The following DLG1 variants were observed in gnomAD, a reference collection of about 807,000 sequenced individuals.
DLG1 encodes the protein discs large MAGUK scaffold protein 1.
DLG1 carries 42 observed loss-of-function variants against 123.4 expected under a neutral mutation model. The observed-to-expected ratio is 0.34, with a 90% CI of 0.27 to 0.44. DLG1 has a LOEUF of 0.44. Ranked by LOEUF, DLG1 falls within the 20% of genes least tolerant of loss-of-function variation. The pLI, the probability that DLG1 is intolerant of heterozygous loss-of-function variation, is 1.00. For missense variants in DLG1, 942 were observed against 1,082.6 expected (o/e 0.87, Z 1.82); for synonymous variants, 317 against 356.2 (o/e 0.89, Z 1.24).
chr3:197,211,180 G>A lies in DLG1; in HGVS notation c.319-16591C>T, dbSNP rs749739036. On this transcript the variant is annotated intron_variant, in intron 4 of 24. Transcript: ENST00000667157. ...AGGAACGATCTAAATCTGATAAAGG[G>A]CATTTATGAAAACCCTACAGCTAAC... 2.1e-5 allele frequency among the ~76,000 whole-genome samples: 3 copies of A among 145,714 alleles called. 1 individual carries two copies. Among genetic ancestry groups the A allele is most frequent in the Non-Finnish European group, 4.6e-5 (3 of 65,010 alleles).
chr3:197,082,142 C>T (rs1384226647), intron 16 of DLG1, among the ~76,000 whole-genome samples: 1 of 152,046 alleles, frequency 6.6e-6, no homozygotes, highest in South Asian at 2.1e-4. Flanking sequence ...GAGGCCGAGG[C>T]GGGTGGATCA....
intron 4 of DLG1, among the ~76,000 whole-genome samples, chr3:197,259,029 A>G (rs1758154715): frequency 6.6e-6 from 1 of 152,176 alleles, no homozygotes. Flanking sequence ...AAAGTCTATC[A>G]AGGAAGATGG....
At chr3:197,296,644 A>C (rs560796661) in intron 2 of DLG1, 167 bp from the exon 3 acceptor site, 1 of 504,812 alleles carries the variant, frequency 2.0e-6, no homozygotes, top group East Asian at 3.1e-5. Context: ...CCAAAAAATA[A>C]AAAAAAAAAT....
chr3:197,234,196 T>G (rs1744753684), intron 4 of DLG1, among the ~76,000 whole-genome samples: 2 of 152,168 alleles, frequency 1.3e-5, no homozygotes, highest in Admixed American at 6.5e-5. Context: ...AGGTATTTAG[T>G]CTAATTTAAG....
intron 18 of DLG1, among the ~76,000 whole-genome samples, chr3:197,072,825 T>C (rs1744897461): frequency 6.6e-6 from 1 of 152,012 alleles, no homozygotes; most frequent in African/African-American, 2.4e-5. Flanking sequence ...CCCTCCCGAG[T>C]AGCTTGGATT....
chr3:197,064,678 T>C (rs1738327340), intron 22 of DLG1, among the ~76,000 whole-genome samples: 1 of 152,344 alleles, frequency 6.6e-6, no homozygotes, highest in South Asian at 2.1e-4. Context: ...AGCCCTTTTC[T>C]TGCAAATTTT....
At chr3:197,119,811 T>A (rs111696824) in intron 11 of DLG1, among the ~76,000 whole-genome samples, 1 of 152,138 alleles carries the variant, frequency 6.6e-6, no homozygotes, top group Non-Finnish European at 1.5e-5. Flanking sequence ...CAGTCCAAAT[T>A]TGATTGTGAA....
At chr3:197,232,635 A>G (rs1045225178) in intron 4 of DLG1, among the ~76,000 whole-genome samples, 3 of 152,122 alleles carry the variant, frequency 2.0e-5, no homozygotes, top group Non-Finnish European at 4.4e-5. Context: ...TGCATCCTGC[A>G]GGCACTTCAT....
At chr3:197,219,694 C>T (rs1735931734) in intron 4 of DLG1, among the ~76,000 whole-genome samples, 1 of 152,128 alleles carries the variant, frequency 6.6e-6, no homozygotes, top group Non-Finnish European at 1.5e-5. Context: ...TGACTGGTTT[C>T]CTTACAAAAG....
At chr3:197,212,705 T>C (rs1374930481) in intron 4 of DLG1, among the ~76,000 whole-genome samples, 3 of 152,224 alleles carry the variant, frequency 2.0e-5, no homozygotes, top group African/African-American at 7.2e-5. Context: ...TCATTTTAAT[T>C]TGACTATCTC....
At chr3:197,211,461 T>A (rs2150402708) in intron 4 of DLG1, among the ~76,000 whole-genome samples, 1 of 146,656 alleles carries the variant, frequency 6.8e-6, no homozygotes, top group South Asian at 2.6e-4. Flanking sequence ...GTAGGCTTCA[T>A]CCCGGGATGC....
At chr3:197,119,629 A>T in intron 11 of DLG1, 99 bp from the exon 12 acceptor site, 1 of 1,126,554 alleles carries the variant, frequency 8.9e-7, no homozygotes, top group Middle Eastern at 2.4e-4. Context: ...GCACTCCTTT[A>T]TATATCAGAA....
Position 197,136,559 on chromosome 3 carries a change from C to T in DLG1, c.1003G>A (p.Gly335Arg). 1 of 1,610,612 alleles carries T rather than the reference C, an allele frequency of 6.2e-7. No individual in the cohort carries two copies. The highest frequency in any genetic ancestry group is 8.5e-7 in the Non-Finnish European group (1 of 1,178,858). Residue 335 changes from glycine (G) to arginine (R), a missense_variant, in exon 10 of 25, where the codon GGA (glycine) becomes AGA (arginine). Coordinates refer to ENST00000667157, the MANE Select transcript of DLG1 (RefSeq NM_001366207.1). ...AAHKDGKLQIGDKLLAVNNVC... is the reference protein window; with the variant it reads ...AAHKDGKLQIRDKLLAVNNVC... ...ATACTTACTGCTAAAAGTTTATCTCCAATCTGAAGTTTGCCATCCTTATGT... is the reference window on the plus strand; with the variant it reads ...ATACTTACTGCTAAAAGTTTATCTCTAATCTGAAGTTTGCCATCCTTATGT...
At chr3:197,142,617 T>G (rs951242478) in intron 7 of DLG1, 101 bp downstream of exon 7, 1 of 828,816 alleles carries the variant, frequency 1.2e-6, no homozygotes, top group African/African-American at 1.8e-5. Context: ...TTAGAAAATA[T>G]CATATAGTTC....
intron 4 of DLG1, among the ~76,000 whole-genome samples, chr3:197,203,137 C>T (rs1252607777): frequency 6.6e-6 from 1 of 152,076 alleles, no homozygotes. Flanking sequence ...GTGATGTGTG[C>T]CTACAGTTTC....
chr3:197,052,807 G>A (rs1578160663), intron 23 of DLG1, among the ~76,000 whole-genome samples: 2 of 152,086 alleles, frequency 1.3e-5, no homozygotes, highest in East Asian at 1.9e-4. Flanking sequence ...CGGGGTGGGG[G>A]CATAAAAGAG....
At position 197,221,261 on chromosome 3, in the gene DLG1, TA is replaced by T. The variant is rs975260613; in HGVS notation, c.319-26673del. 1.6e-4 allele frequency among the ~76,000 whole-genome samples: 25 copies of T among 152,218 alleles called. 1 individual carries two copies. Among genetic ancestry groups the T allele is most frequent in the African/African-American group, 6.0e-4 (25 of 41,454 alleles). On this transcript the variant is annotated intron_variant, in intron 4 of 24. Transcript: ENST00000667157. ...GACCGGGCGTGGTGGCTCACGCCTG[TA>T]ATCCCAGCACTTTGAGAGAACAAGG...
intron 4 of DLG1, among the ~76,000 whole-genome samples, chr3:197,220,240 C>T (rs1260050914): frequency 6.6e-6 from 1 of 152,092 alleles, no homozygotes; most frequent in Non-Finnish European, 1.5e-5. Context: ...GACACATACC[C>T]TATTTTAACT....
At chr3:197,194,974 G>A (rs1721643644) in intron 4 of DLG1, among the ~76,000 whole-genome samples, 1 of 151,970 alleles carries the variant, frequency 6.6e-6, no homozygotes, top group East Asian at 1.9e-4. Context: ...TTAAAAGTCA[G>A]CCATTTTAAT....
Sources: gnomAD v4.1 joint callset for allele counts (sites outside exome capture counted in the v4.1 genomes callset) on GRCh38, gnomAD v4.1.1 for gene constraint, MANE v1.5 for transcripts, NCBI Gene and HGNC (gene_info 2026-07-23, HGNC 2026-07-21) for gene names.